The following MIA3 variants were observed in gnomAD, a reference collection of about 807,000 sequenced individuals.
MIA3 encodes the protein MIA SH3 domain ER export factor 3.
A neutral mutation model predicts 192.4 loss-of-function variants in MIA3; 90 were observed. The ratio of observed to expected loss-of-function variants is 0.47; its 90% CI spans 0.39 to 0.56. MIA3 has a LOEUF of 0.56. MIA3 is among the 20% of genes least tolerant of loss of function. The pLI is 0.00. For missense variants in MIA3, 2,123 were observed against 2,269.4 expected, an observed-to-expected ratio of 0.94 and a Z score of 1.31; for synonymous variants, 740 against 792.8, an observed-to-expected ratio of 0.93 and a Z score of 1.12.
At position 222,658,748 on chromosome 1, in the gene MIA3, G is replaced by A. The variant is rs773163408; in HGVS notation, c.4634G>A (p.Arg1545Gln). Reference protein sequence around the residue: ...QKKLSQEEYERQEREHRLSAA... With the variant: ...QKKLSQEEYEQQEREHRLSAA... ...AAACTGAGTCAAGAAGAGTATGAAC[G>A]GCAAGAAAGAGAGCACAGGCTGTCA... Residue 1545 changes from arginine (R) to glutamine (Q), a missense_variant, in exon 19 of 28, where the codon CGG becomes CAG. Arg to Gln is a conservative substitution (Grantham distance 43). This residue lies in a region of MIA3 where 762 missense variants were observed against 856.4 expected (regional missense o/e 0.89). Coordinates refer to ENST00000344922, the MANE Select transcript of MIA3 (RefSeq NM_198551.4). The A allele has an allele frequency of 2.2e-5, 35 of 1,611,834 alleles. No individual in the cohort carries two copies. The East Asian group carries it at 2.9e-4, about 13-fold the overall frequency.
intron 6 of MIA3, chr1:222,644,462 A>G: frequency 6.4e-7 from 1 of 1,550,528 alleles, no homozygotes; most frequent in South Asian, 1.2e-5. Flanking sequence ...GCTTGCGTTC[A>G]GCTGTTCTAC....
At chr1:222,652,665 A>C (rs892395661) in intron 13 of MIA3, among the ~76,000 whole-genome samples, 1 of 152,194 alleles carries the variant, frequency 6.6e-6, no homozygotes, top group African/African-American at 2.4e-5. Flanking sequence ...TCCTTTGAGT[A>C]GTTACTGCTT....
At chr1:222,626,191 G>A (rs893946784) in intron 3 of MIA3, among the ~76,000 whole-genome samples, 3 of 152,208 alleles carry the variant, frequency 2.0e-5, no homozygotes, top group Non-Finnish European at 4.4e-5. Flanking sequence ...TCTTAGAAGA[G>A]ATTGGCAGAG....
rs766150529 is a variant in MIA3, at chr1:222,660,188, C to G, written c.4987C>G (p.Gln1663Glu). 1.9e-6 allele frequency: 3 copies of G among 1,611,626 alleles called. No homozygotes were observed. In the African/African-American group the frequency reaches 4.0e-5, roughly 22 times the overall value. The change falls in exon 24 of 28, where the codon CAG becomes GAG. Residue 1663 changes from glutamine (Q) to glutamate (E), a missense_variant. By Grantham distance (29) the Gln-to-Glu change is conservative (BLOSUM62 2). Around this residue, in one of 3 missense-constraint regions of MIA3, gnomAD observed 762 missense variants for 856.4 expected, o/e 0.89. Coordinates refer to ENST00000344922, the MANE Select transcript of MIA3 (RefSeq NM_198551.4). ...QNPPRRGPLS[Q>E]NGSFGPSPVS... ...GCTGTCATCTTTAGGTCCTCTGAGC[C>G]AGAATGGCTCTTTTGGCCCATCCCC...
rs1394544072 is a variant in MIA3, at chr1:222,654,834, CAGTA to C, written c.4607+43_4607+46del. 1.9e-6 allele frequency: 3 copies of C among 1,558,404 alleles called. No individual in the cohort carries two copies. In the East Asian group the frequency reaches 6.7e-5, roughly 35 times the overall value. On this transcript the variant is annotated intron_variant, in intron 18 of 27. Coordinates refer to ENST00000344922, the MANE Select transcript of MIA3 (RefSeq NM_198551.4). ...TTTACTGTTAACTGTATTGTCATGT[CAGTA>C]AATAAATGTGTACTAATATAGATAA...
At chr1:222,648,238 G>GT (rs1463515732) in intron 7 of MIA3, among the ~76,000 whole-genome samples, 1 of 152,080 alleles carries the variant, frequency 6.6e-6, no homozygotes, top group African/African-American at 2.4e-5. Context: ...TATGAGCACT[G>GT]TTTTTAGTGG....
intron 11 of MIA3, among the ~76,000 whole-genome samples, chr1:222,651,614 G>T (rs1663437298): frequency 6.7e-6 from 1 of 149,506 alleles, no homozygotes. Context: ...CTAAATTAAA[G>T]TACCTTGGGG....
At position 222,659,889 on chromosome 1, in the gene MIA3, C is replaced by G. The variant is rs1408123272; in HGVS notation, c.4875-17C>G. 3 of 1,601,702 alleles carry G rather than the reference C, an allele frequency of 1.9e-6. No individual in the cohort carries two copies. In the East Asian group the frequency reaches 6.7e-5, roughly 36 times the overall value. ...CATATTTAACTCTTTCTTAAATATT[C>G]TTTCTCTATATTCAAGATTATTAGA... On this transcript the variant is annotated splice_polypyrimidine_tract_variant and intron_variant, in intron 22 of 27. Transcript: ENST00000344922.
At chr1:222,653,198 A>ACT (rs1663532884) in intron 14 of MIA3, 30 bp from the exon 15 acceptor site, 1 of 1,595,222 alleles carries the variant, frequency 6.3e-7, no homozygotes, top group South Asian at 1.1e-5. Context: ...AAATGGAAAG[A>ACT]CTCTTAATGC....
chr1:222,667,092 A>T lies in MIA3; in HGVS notation c.*1473A>T, dbSNP rs938966441. ...CGATTAAGAATACCTTGTAAAAAGGAGCAAAAGCTTCAATGTGAAACAATT... is the reference window on the plus strand; with the variant it reads ...CGATTAAGAATACCTTGTAAAAAGGTGCAAAAGCTTCAATGTGAAACAATT... On this transcript the variant is annotated 3_prime_UTR_variant, in exon 28 of 28. Coordinates refer to ENST00000344922, the MANE Select transcript of MIA3 (RefSeq NM_198551.4). 6.6e-6 allele frequency: 1 copy of T among 152,208 alleles called. No individual in the cohort carries two copies. Among genetic ancestry groups the T allele is most frequent in the Non-Finnish European group, 1.5e-5 (1 of 68,022 alleles). The allele number at this position is 152,208 out of a possible 1,614,324, so 9.4% of individuals were successfully genotyped here.
At position 222,652,239 on chromosome 1, in the gene MIA3, A is replaced by G. The variant is rs1663478114; in HGVS notation, c.3993A>G (p.Ala1331=). 1 of 1,612,828 alleles carries G rather than the reference A, an allele frequency of 6.2e-7. No individual in the cohort carries two copies. Among genetic ancestry groups the G allele is most frequent in the Non-Finnish European group, 8.5e-7 (1 of 1,178,904 alleles). The change falls in exon 13 of 28, where the codon GCA becomes GCG. Residue 1331 remains alanine (A), a synonymous_variant. Coordinates refer to ENST00000344922, the MANE Select transcript of MIA3 (RefSeq NM_198551.4). ...GTGTTTTGCATTAGGTTCAGATTGC[A>G]CTTAATGAAGCTAAGCTTAGTGAAG... ...NASEFSEVQI[A]LNEAKLSEEK...
At chr1:222,626,827 C>T (rs1662141769) in intron 3 of MIA3, among the ~76,000 whole-genome samples, 1 of 152,198 alleles carries the variant, frequency 6.6e-6, no homozygotes, top group Non-Finnish European at 1.5e-5. Context: ...AAAATATGAG[C>T]CCCAAATCCA....
At chr1:222,618,385 C>A in intron 1 of MIA3, 142 bp downstream of exon 1, 1 of 867,984 alleles carries the variant, frequency 1.2e-6, no homozygotes, top group Non-Finnish European at 1.5e-6. Flanking sequence ...GGGTCGCAGG[C>A]GGGATGGGCT....
intron 18 of MIA3, among the ~76,000 whole-genome samples, chr1:222,655,962 CCTT>C (rs1435757672): frequency 5.6e-5 from 4 of 71,278 alleles, no homozygotes; most frequent in Admixed American, 2.4e-4. Flanking sequence ...ACTTTCTTTC[CCTT>C]TTTTTTTTTT....
At chr1:222,633,302 A>G in intron 6 of MIA3, 53 bp downstream of exon 6, 1 of 1,462,034 alleles carries the variant, frequency 6.8e-7, no homozygotes, top group Non-Finnish European at 9.4e-7. Context: ...TACAGTTTTT[A>G]AGTTGATTTT....
intron 6 of MIA3, among the ~76,000 whole-genome samples, chr1:222,639,803 T>C (rs1286686433): frequency 3.3e-5 from 5 of 152,082 alleles, no homozygotes; most frequent in Non-Finnish European, 5.9e-5. Flanking sequence ...TGAATGTTTT[T>C]CCCCCAAGAT....
Position 222,666,026 on chromosome 1 carries a change from T to A in MIA3, c.*407T>A, listed in dbSNP as rs1048464293. The A allele has an allele frequency of 1.4e-4, 21 of 154,710 alleles. No individual in the cohort carries two copies. The highest frequency in any genetic ancestry group is 2.4e-4 in the Non-Finnish European group (17 of 69,796). 9.6% of individuals were successfully genotyped at this position (154,710 alleles called of 1,614,324 possible). ...GCAATGGTGTTTATAAGCGTTTTTTTAAACTATCTGGTCACAAAGACTGTT... is the reference window on the plus strand; with the variant it reads ...GCAATGGTGTTTATAAGCGTTTTTTAAAACTATCTGGTCACAAAGACTGTT... On this transcript the variant is annotated 3_prime_UTR_variant, in exon 28 of 28. Coordinates refer to ENST00000344922, the MANE Select transcript of MIA3 (RefSeq NM_198551.4).
At position 222,628,919 on chromosome 1, in the gene MIA3, A is replaced by T. The variant is rs377652238; in HGVS notation, c.1699A>T (p.Met567Leu). The T allele has an allele frequency of 6.2e-7, 1 of 1,614,206 alleles. No individual in the cohort carries two copies. The highest frequency in any genetic ancestry group is 8.5e-7 in the Non-Finnish European group (1 of 1,180,026). ...ESAQKAAGNQ[M>L]NDRKIQQESL... ...TGCACAGAAAGCTGCAGGGAATCAA[A>T]TGAATGACAGAAAGATTCAACAGGA... Residue 567 changes from methionine (M) to leucine (L), a missense_variant, in exon 4 of 28, where the codon ATG (methionine) becomes TTG (leucine). Coordinates refer to ENST00000344922, the MANE Select transcript of MIA3 (RefSeq NM_198551.4).
At position 222,628,380 on chromosome 1, in the gene MIA3, T is replaced by C. The variant is rs1167009957; in HGVS notation, c.1160T>C (p.Ile387Thr). Reference sequence around the variant, plus strand: ...ATACTAACAACCTGGGGGGACACTATCTTCTCTATTGTCACAGGAGGTGAA... The same window carrying C: ...ATACTAACAACCTGGGGGGACACTACCTTCTCTATTGTCACAGGAGGTGAA... ...KNILTTWGDT[I>T]FSIVTGGEET... Residue 387 changes from isoleucine to threonine, a missense_variant, in exon 4 of 28, where the codon ATC (isoleucine) becomes ACC (threonine). Around this residue, in one of 3 missense-constraint regions of MIA3, gnomAD observed 1,357 missense variants for 1,396.1 expected, o/e 0.97. Coordinates refer to ENST00000344922, the MANE Select transcript of MIA3 (RefSeq NM_198551.4). The C allele has an allele frequency of 1.9e-6, 3 of 1,614,002 alleles. No homozygotes were observed. Among genetic ancestry groups the C allele is most frequent in the South Asian group, 2.2e-5 (2 of 91,042 alleles).
Sources: allele counts gnomAD v4.1 joint callset (sites outside exome capture counted in the v4.1 genomes callset), GRCh38; gene constraint gnomAD v4.1.1; regional missense constraint gnomAD v4.1.1; transcripts MANE v1.5; gene names NCBI Gene and HGNC (gene_info 2026-07-23, HGNC 2026-07-21).